The following ADAMTSL1 variants were observed in gnomAD, a reference collection of about 807,000 sequenced individuals.
ADAMTSL1 encodes ADAMTS like 1.
Under a neutral mutation model 201.8 loss-of-function variants are expected in ADAMTSL1, and 126 were observed. That is an observed-to-expected ratio of 0.62 (90% CI 0.54 to 0.72). The LOEUF (loss-of-function observed/expected upper bound fraction) is 0.72, where lower values mean the gene tolerates loss of function less well. Among genes scored for constraint, ADAMTSL1 ranks in the 30% least tolerant of loss-of-function variants. The pLI, the probability that ADAMTSL1 is intolerant of heterozygous loss-of-function variation, is 0.00. For synonymous variants in ADAMTSL1, 1,121 were observed against 903.4 expected (o/e 1.24, Z -4.32); for missense variants, 2,679 against 2,277.8 (o/e 1.18, Z -3.59).
chr9:17,973,542 G>A (rs1252952302), intron 1 of ADAMTSL1, among the ~76,000 whole-genome samples: 2 of 101,048 alleles, frequency 2.0e-5, no homozygotes, highest in Admixed American at 1.2e-4. Context: ...TTTGGTACCA[G>A]TACCATGCTG....
chr9:18,418,677 A>G (rs536598287), intron 2 of ADAMTSL1, among the ~76,000 whole-genome samples: 1 of 152,338 alleles, frequency 6.6e-6, no homozygotes, highest in African/African-American at 2.4e-5. Context: ...AAAAATGCTG[A>G]TGAAAGAAAT....
intron 2 of ADAMTSL1, among the ~76,000 whole-genome samples, chr9:18,400,392 C>T (rs547865189): frequency 3.9e-5 from 6 of 152,092 alleles, no homozygotes; most frequent in African/African-American, 4.8e-5. Flanking sequence ...CTTTTAACTT[C>T]GGTACTCAGT....
intron 2 of ADAMTSL1, among the ~76,000 whole-genome samples, chr9:18,290,812 C>T (rs1264117236): frequency 6.3e-5 from 9 of 143,382 alleles, no homozygotes; most frequent in African/African-American, 2.1e-4. Flanking sequence ...GGCAGAGTCT[C>T]GCTCTGTCGC....
chr9:18,048,379 C>G (rs1429035085), intron 1 of ADAMTSL1, among the ~76,000 whole-genome samples: 1 of 152,106 alleles, frequency 6.6e-6, no homozygotes, highest in African/African-American at 2.4e-5. Flanking sequence ...CACATTGTCA[C>G]TGTTGTGTCC....
intron 1 of ADAMTSL1, among the ~76,000 whole-genome samples, chr9:18,017,353 G>C (rs1471468121): frequency 6.6e-6 from 1 of 151,974 alleles, no homozygotes; most frequent in Admixed American, 6.6e-5. Flanking sequence ...CCAGCAGGGG[G>C]AGTATCCTGC....
At chr9:18,209,926 T>C (rs1829799835) in intron 2 of ADAMTSL1, among the ~76,000 whole-genome samples, 1 of 152,130 alleles carries the variant, frequency 6.6e-6, no homozygotes. Context: ...ATCTCAACAA[T>C]AGATGTGCCT....
intron 1 of ADAMTSL1, among the ~76,000 whole-genome samples, chr9:18,093,480 G>C (rs1824113290): frequency 6.6e-6 from 1 of 152,166 alleles, no homozygotes; most frequent in South Asian, 2.1e-4. Context: ...ATTGGAAATA[G>C]CCCTCAAAAT....
chr9:18,233,058 T>A (rs1024246659), intron 2 of ADAMTSL1, among the ~76,000 whole-genome samples: 5 of 152,160 alleles, frequency 3.3e-5, no homozygotes, highest in African/African-American at 1.2e-4. Context: ...TCTGCGAGGT[T>A]CCTCAAGCAC....
chr9:18,365,253 G>C (rs538994189), intron 2 of ADAMTSL1, among the ~76,000 whole-genome samples: 10 of 152,246 alleles, frequency 6.6e-5, no homozygotes, highest in Non-Finnish European at 1.3e-4. Context: ...GTGAATTATA[G>C]ATGTACTTAT....
chr9:18,018,370 A>T (rs1013852235), intron 1 of ADAMTSL1, among the ~76,000 whole-genome samples: 22 of 152,122 alleles, frequency 1.4e-4, no homozygotes, highest in African/African-American at 5.1e-4. Context: ...TGCCTCTGGC[A>T]TTCATGCCCT....
intron 1 of ADAMTSL1, among the ~76,000 whole-genome samples, chr9:17,979,745 A>G (rs1213000226): frequency 6.6e-6 from 1 of 151,956 alleles, no homozygotes; most frequent in Non-Finnish European, 1.5e-5. Context: ...AAGAGTAAGT[A>G]CCTCTTTCAG....
At chr9:18,826,618 A>G (rs1051129814) in intron 22 of ADAMTSL1, among the ~76,000 whole-genome samples, 155 bp downstream of exon 22, 2 of 152,206 alleles carry the variant, frequency 1.3e-5, no homozygotes, top group African/African-American at 4.8e-5. Flanking sequence ...TTTCGATAGA[A>G]CACAAACTTT....
At position 18,684,713 on chromosome 9, in the gene ADAMTSL1, C is replaced by G. The variant is rs1312677435; in HGVS notation, c.1490-3C>G. 1 of 1,612,390 alleles carries G rather than the reference C, an allele frequency of 6.2e-7. No homozygotes were observed. The highest frequency in any genetic ancestry group is 2.2e-5 in the East Asian group (1 of 44,868). On this transcript the variant is annotated splice_polypyrimidine_tract_variant and splice_region_variant and intron_variant, in intron 12 of 28. Transcript: ENST00000380548. ...TTTGTATGTGCATGCACTGAATTCT[C>G]AGAGAAACTTCCAGTCGAGGCCAAG...
chr9:17,973,740 A>G (rs1289682999), intron 1 of ADAMTSL1, among the ~76,000 whole-genome samples: 3 of 140,316 alleles, frequency 2.1e-5, no homozygotes, highest in East Asian at 4.2e-4. Context: ...CATTGTATCT[A>G]TAAATTACCT....
At chr9:17,929,648 C>T (rs1244093471) in intron 1 of ADAMTSL1, among the ~76,000 whole-genome samples, 1 of 152,112 alleles carries the variant, frequency 6.6e-6, no homozygotes, top group Non-Finnish European at 1.5e-5. Flanking sequence ...GGACTTTGCA[C>T]AATTTGTTTT....
chr9:18,777,639 A>G lies in ADAMTSL1; in HGVS notation c.3410A>G (p.His1137Arg). The change falls in exon 19 of 29, where the codon CAC (histidine) becomes CGC (arginine). Residue 1137 changes from histidine (H) to arginine (R), a missense_variant. Coordinates refer to ENST00000380548, the MANE Select transcript of ADAMTSL1 (RefSeq NM_001040272.6). ...CCAGTGACTCTCTCGCCTCATAAAC[A>G]CGTGTCTGGCTTCAGCAGCTCCCTG... is the stretch of plus-strand genomic sequence containing the variant. ...TSPVTLSPHKHVSGFSSSLRT... is the reference protein window; with the variant it reads ...TSPVTLSPHKRVSGFSSSLRT... The G allele has an allele frequency of 1.2e-6, 2 of 1,613,662 alleles. No homozygotes were observed. The highest frequency in any genetic ancestry group is 1.1e-5 in the South Asian group (1 of 91,056).
At position 18,829,846 on chromosome 9, in the gene ADAMTSL1, C is replaced by A; in HGVS notation, c.4118C>A (p.Pro1373His). The A allele has an allele frequency of 1.9e-6, 3 of 1,613,958 alleles. No homozygotes were observed. The highest frequency in any genetic ancestry group is 1.3e-5 in the African/African-American group (1 of 75,040). Residue 1373 changes from proline (P) to histidine (H), a missense_variant, in exon 23 of 29, where the codon CCC becomes CAC. Pro to His is a moderately conservative substitution (Grantham distance 77). Transcript: ENST00000380548. The part of the protein sequence containing the change: ...TESTQLLILD[P>H]PQVPTQLEDI... ...TCCACCCTCTGCCTTCTCACAGATC[C>A]CCCCCAAGTCCCCACACAGTTGGAA...
intron 3 of ADAMTSL1, among the ~76,000 whole-genome samples, chr9:18,544,536 A>G (rs2132176879): frequency 6.6e-6 from 1 of 152,154 alleles, no homozygotes; most frequent in African/African-American, 2.4e-5. Context: ...AGCCAGCATC[A>G]TCCCATGGAG....
chr9:17,968,559 T>C (rs118021979), intron 1 of ADAMTSL1, among the ~76,000 whole-genome samples: 1 of 152,252 alleles, frequency 6.6e-6, no homozygotes, highest in Non-Finnish European at 1.5e-5. Flanking sequence ...GCTTCTGTGT[T>C]TGATTCTTAG....
Sources: allele counts gnomAD v4.1 joint callset (sites outside exome capture counted in the v4.1 genomes callset), GRCh38; gene constraint gnomAD v4.1.1; transcripts MANE v1.5; gene names NCBI Gene and HGNC (gene_info 2026-07-23, HGNC 2026-07-21).